Variants in LUZP2 observed in about 807,000 individuals in gnomAD.
The protein encoded by LUZP2 is leucine zipper protein 2.
LUZP2 carries 52 observed loss-of-function variants against 51.6 expected under a neutral mutation model. That is an observed-to-expected ratio of 1.01 (90% CI 0.81 to 1.27). The LOEUF (loss-of-function observed/expected upper bound fraction) is 1.27, where lower values mean the gene tolerates loss of function less well. LUZP2 is among the 50% of genes most tolerant of loss of function. The probability of loss-of-function intolerance (pLI) is 0.00; values close to 1 mark genes in which losing one functional copy is unlikely to be tolerated. For synonymous variants in LUZP2, 154 were observed against 137.3 expected (o/e 1.12, Z -0.85); for missense variants, 436 against 395.4 (o/e 1.10, Z -0.87).
At chr11:24,915,627 T>G (rs1853766355) in intron 7 of LUZP2, among the ~76,000 whole-genome samples, 1 of 151,394 alleles carries the variant, frequency 6.6e-6, no homozygotes, top group African/African-American at 2.4e-5. Context: ...GTTTAAGTCT[T>G]GAATAAACAT....
intron 1 of LUZP2, among the ~76,000 whole-genome samples, chr11:24,696,315 A>G (rs941131352): frequency 6.6e-6 from 1 of 152,140 alleles, no homozygotes; most frequent in Non-Finnish European, 1.5e-5. Flanking sequence ...GTCACCAGAC[A>G]AACAAAAAGG....
At chr11:24,997,080 C>T (rs4424636) in intron 9 of LUZP2, among the ~76,000 whole-genome samples, 58,410 of 148,310 alleles carry the variant, frequency 0.39, 13,798 homozygotes, top group East Asian at 0.78. Context: ...AATAAACATA[C>T]GTGTGCATGT....
intron 5 of LUZP2, among the ~76,000 whole-genome samples, chr11:24,790,653 C>G (rs539643903): frequency 1.6e-4 from 25 of 152,184 alleles, no homozygotes; most frequent in Non-Finnish European, 3.5e-4. Context: ...AGGCATGTAT[C>G]ACCACGCCCA....
intron 5 of LUZP2, among the ~76,000 whole-genome samples, chr11:24,767,804 G>C (rs1391265901): frequency 6.6e-6 from 1 of 151,918 alleles, no homozygotes; most frequent in Non-Finnish European, 1.5e-5. Context: ...ATACAGTTTT[G>C]CACCAGAAAA....
At chr11:24,605,081 A>G (rs963345221) in intron 1 of LUZP2, among the ~76,000 whole-genome samples, 9 of 151,670 alleles carry the variant, frequency 5.9e-5, no homozygotes, top group African/African-American at 2.2e-4. Context: ...CAGCCTCTAA[A>G]TTTGTCATTG....
chr11:24,820,808 G>A (rs1045740951), intron 5 of LUZP2, among the ~76,000 whole-genome samples: 4 of 152,136 alleles, frequency 2.6e-5, no homozygotes, highest in Admixed American at 6.5e-5. Flanking sequence ...GATGTGGAAG[G>A]CATAGTGTAA....
intron 7 of LUZP2, among the ~76,000 whole-genome samples, chr11:24,925,630 G>A (rs907238668): frequency 4.6e-5 from 7 of 151,994 alleles, no homozygotes; most frequent in African/African-American, 1.4e-4. Context: ...ACAATGACAA[G>A]TGAAATTCTA....
intron 9 of LUZP2, among the ~76,000 whole-genome samples, chr11:25,036,224 A>G (rs75016697): frequency 0.021 from 3,180 of 152,174 alleles, 53 homozygotes; most frequent in South Asian, 0.085. Context: ...TTCTAGAAAT[A>G]TATCAGTTTC....
intron 6 of LUZP2, among the ~76,000 whole-genome samples, chr11:24,913,669 TTGTGTGTGTGTGTG>T (rs35901522): frequency 2.7e-5 from 4 of 148,462 alleles, no homozygotes; most frequent in Non-Finnish European, 4.5e-5. Context: ...ATCTATTTAT[TTGTGTGTGTGTGTG>T]TGTGTGTGTG....
intron 7 of LUZP2, among the ~76,000 whole-genome samples, chr11:24,917,531 C>A (rs1450580329): frequency 2.0e-5 from 3 of 152,048 alleles, no homozygotes; most frequent in Non-Finnish European, 4.4e-5. Context: ...AGGAAGGGAT[C>A]CAATTTTAGC....
In LUZP2 at chr11:24,646,691, G is replaced by A. The variant is rs1031535762; in HGVS notation, c.63-82478G>A. ...CACAACTCCCCAAAAGACTGTTGCT[G>A]ATGTCTCATTGGCCATAACTGTGTC... On this transcript the variant is annotated intron_variant, in intron 1 of 11. Transcript: ENST00000336930. 8.7e-6 allele frequency: 6 copies of A among 689,816 alleles called. No homozygotes were observed. The African/African-American group carries it at 1.2e-4, about 13-fold the overall frequency. 42.7% of individuals were successfully genotyped at this position (689,816 alleles called of 1,614,324 possible). A position where few individuals can be genotyped will look rare whatever the true frequency, so the allele number is the denominator to read the frequency against.
intron 5 of LUZP2, among the ~76,000 whole-genome samples, chr11:24,898,341 A>G (rs1225678391): frequency 6.6e-6 from 1 of 152,152 alleles, no homozygotes; most frequent in African/African-American, 2.4e-5. Flanking sequence ...AAATGAGTTT[A>G]AGGCCGGGCG....
chr11:25,055,584 A>G (rs1273983084), intron 10 of LUZP2, among the ~76,000 whole-genome samples: 1 of 152,100 alleles, frequency 6.6e-6, no homozygotes, highest in Non-Finnish European at 1.5e-5. Context: ...AGGTAGTTGC[A>G]GTGTTGATTT....
intron 1 of LUZP2, among the ~76,000 whole-genome samples, chr11:24,542,690 G>T (rs1037957399): frequency 1.3e-5 from 2 of 151,908 alleles, no homozygotes; most frequent in Non-Finnish European, 2.9e-5. Context: ...GATTTTGGCA[G>T]TATGCTAGTT....
intron 5 of LUZP2, among the ~76,000 whole-genome samples, chr11:24,904,982 T>C (rs751884067): frequency 2.2e-4 from 34 of 152,084 alleles, no homozygotes; most frequent in Non-Finnish European, 4.0e-4. Context: ...ATCAGAAAAA[T>C]TAGACTTTCA....
intron 10 of LUZP2, 105 bp downstream of exon 10, chr11:25,050,235 A>G (rs562690088): frequency 1.4e-5 from 6 of 421,458 alleles, no homozygotes; most frequent in South Asian, 1.1e-4. Flanking sequence ...TATATGTAAT[A>G]TCTACTATCT....
chr11:24,519,249 T>C (rs1278832840), intron 1 of LUZP2, among the ~76,000 whole-genome samples: 2 of 152,136 alleles, frequency 1.3e-5, no homozygotes, highest in Non-Finnish European at 2.9e-5. Context: ...ACCATTAGGA[T>C]TGTATATAAG....
At chr11:24,917,994 G>C (rs1482238181) in intron 7 of LUZP2, among the ~76,000 whole-genome samples, 1 of 151,842 alleles carries the variant, frequency 6.6e-6, no homozygotes, top group Non-Finnish European at 1.5e-5. Context: ...ATTTGTTTGT[G>C]TCCTCTTTTA....
intron 1 of LUZP2, among the ~76,000 whole-genome samples, chr11:24,716,333 C>T (rs891656356): frequency 6.6e-6 from 1 of 152,100 alleles, no homozygotes; most frequent in Non-Finnish European, 1.5e-5. Context: ...TCAACATACT[C>T]TTGGAGGATC....
Sources: gnomAD v4.1 joint callset for allele counts (sites outside exome capture counted in the v4.1 genomes callset) on GRCh38, gnomAD v4.1.1 for gene constraint, MANE v1.5 for transcripts, NCBI Gene and HGNC (gene_info 2026-07-23, HGNC 2026-07-21) for gene names.